LRRC4C: variants seen among roughly 807,000 people sequenced by gnomAD.
LRRC4C encodes the protein leucine-rich repeat-containing protein 4C.
LRRC4C carries 5 observed loss-of-function variants against 33.6 expected under a neutral mutation model. The ratio of observed to expected loss-of-function variants is 0.15; its 90% CI spans 0.08 to 0.31. The LOEUF (loss-of-function observed/expected upper bound fraction) is 0.31, where lower values mean the gene tolerates loss of function less well. Among genes scored for constraint, LRRC4C ranks in the 10% least tolerant of loss-of-function variants. The probability of loss-of-function intolerance (pLI) is 1.00; values close to 1 mark genes in which losing one functional copy is unlikely to be tolerated. For synonymous variants in LRRC4C, 329 were observed against 302.0 expected, an observed-to-expected ratio of 1.09 and a Z score of -0.93; for missense variants, 560 against 796.7, an observed-to-expected ratio of 0.70 and a Z score of 3.58.
At chr11:40,664,882 G>A (rs779032017) in intron 2 of LRRC4C, among the ~76,000 whole-genome samples, 23 of 151,442 alleles carry the variant, frequency 1.5e-4, no homozygotes, top group African/African-American at 2.2e-4. Flanking sequence ...CCACTAACTC[G>A]TCATTTACAT....
chr11:41,318,635 G>C (rs544742092), intron 1 of LRRC4C, among the ~76,000 whole-genome samples: 1 of 152,248 alleles, frequency 6.6e-6, no homozygotes, highest in East Asian at 1.9e-4. Context: ...AGTCACTGGT[G>C]ACCTTCCCTT....
At chr11:41,269,400 A>G (rs1008566994) in intron 1 of LRRC4C, among the ~76,000 whole-genome samples, 1 of 152,056 alleles carries the variant, frequency 6.6e-6, no homozygotes, top group Non-Finnish European at 1.5e-5. Flanking sequence ...TTCAAGCCAC[A>G]GAGAGAGGCA....
At chr11:40,211,142 GTACTT>G (rs1478769267) in intron 5 of LRRC4C, among the ~76,000 whole-genome samples, 3 of 152,134 alleles carry the variant, frequency 2.0e-5, no homozygotes, top group African/African-American at 7.2e-5. Flanking sequence ...GTATCTTGCA[GTACTT>G]TACTTATCAG....
intron 1 of LRRC4C, among the ~76,000 whole-genome samples, chr11:41,219,906 A>C (rs1306742281): frequency 6.6e-6 from 1 of 152,234 alleles, no homozygotes; most frequent in African/African-American, 2.4e-5. Flanking sequence ...CTGAAGACAC[A>C]TGAAGGATAA....
intron 3 of LRRC4C, among the ~76,000 whole-genome samples, chr11:40,594,035 G>T (rs1959168028): frequency 6.6e-6 from 1 of 152,108 alleles, no homozygotes; most frequent in Non-Finnish European, 1.5e-5. Flanking sequence ...ATACTATCTA[G>T]GTCACTGTCA....
At chr11:40,612,769 T>C (rs1961363390) in intron 3 of LRRC4C, among the ~76,000 whole-genome samples, 1 of 151,906 alleles carries the variant, frequency 6.6e-6, no homozygotes, top group African/African-American at 2.4e-5. Flanking sequence ...TCTTAAAATA[T>C]GCAAGCTGAA....
chr11:40,154,200 GA>G (rs1379268427), intron 5 of LRRC4C, among the ~76,000 whole-genome samples: 3 of 148,622 alleles, frequency 2.0e-5, no homozygotes, highest in African/African-American at 5.0e-5. Context: ...ACATATGAAG[GA>G]AAGATACAGT....
At chr11:40,249,299 A>G (rs189903396) in intron 4 of LRRC4C, among the ~76,000 whole-genome samples, 3 of 152,266 alleles carry the variant, frequency 2.0e-5, no homozygotes, top group East Asian at 3.9e-4. Context: ...AGATCGCACT[A>G]CTGCACTCCA....
At chr11:40,577,312 T>C (rs974090733) in intron 3 of LRRC4C, among the ~76,000 whole-genome samples, 7 of 152,210 alleles carry the variant, frequency 4.6e-5, no homozygotes, top group African/African-American at 1.7e-4. Flanking sequence ...CCTCTGCACT[T>C]TTCATAAATG....
chr11:40,589,509 A>G (rs1958932401), intron 3 of LRRC4C, among the ~76,000 whole-genome samples: 1 of 148,586 alleles, frequency 6.7e-6, no homozygotes, highest in Non-Finnish European at 1.5e-5. Context: ...TGTGAATTTG[A>G]TCCTGTCATT....
At chr11:40,948,533 A>G (rs1180996379) in intron 1 of LRRC4C, among the ~76,000 whole-genome samples, 1 of 110,970 alleles carries the variant, frequency 9.0e-6, no homozygotes, top group Non-Finnish European at 1.8e-5. Flanking sequence ...CCACCCCACA[A>G]CAGTCCCCAG....
At chr11:40,189,568 C>T (rs1431649717) in intron 5 of LRRC4C, among the ~76,000 whole-genome samples, 1 of 152,158 alleles carries the variant, frequency 6.6e-6, no homozygotes, top group Non-Finnish European at 1.5e-5. Flanking sequence ...TAGCAACGGG[C>T]TTGGCACTTC....
chr11:40,453,157 T>C (rs1176397077), intron 3 of LRRC4C, among the ~76,000 whole-genome samples: 1 of 148,682 alleles, frequency 6.7e-6, no homozygotes, highest in Non-Finnish European at 1.5e-5. Flanking sequence ...ATTGTGCACA[T>C]GTACCCTAAA....
intron 3 of LRRC4C, among the ~76,000 whole-genome samples, chr11:40,419,171 C>A (rs1319906333): frequency 6.6e-6 from 1 of 151,896 alleles, no homozygotes; most frequent in South Asian, 2.1e-4. Context: ...TGACAGAACT[C>A]AGAAAACTGT....
At chr11:40,757,983 A>G (rs1026985075) in intron 2 of LRRC4C, among the ~76,000 whole-genome samples, 32 of 152,042 alleles carry the variant, frequency 2.1e-4, no homozygotes, top group African/African-American at 7.2e-4. Flanking sequence ...TGAGAGTAGG[A>G]TGCATTATGT....
intron 1 of LRRC4C, among the ~76,000 whole-genome samples, chr11:40,936,216 A>G (rs1413779367): frequency 6.7e-6 from 1 of 149,786 alleles, no homozygotes; most frequent in Non-Finnish European, 1.5e-5. Flanking sequence ...ATTTTTCACC[A>G]TAGTAAGTTT....
At chr11:40,649,447 CCGA>C (rs1485367778) in intron 2 of LRRC4C, among the ~76,000 whole-genome samples, 4 of 152,120 alleles carry the variant, frequency 2.6e-5, no homozygotes, top group Non-Finnish European at 5.9e-5. Context: ...TCTATTCTGC[CCGA>C]CCCCGCAGGC....
At chr11:41,289,085 C>T (rs1201835312) in intron 1 of LRRC4C, among the ~76,000 whole-genome samples, 1 of 152,046 alleles carries the variant, frequency 6.6e-6, no homozygotes, top group South Asian at 2.1e-4. Flanking sequence ...CCCATCGCAG[C>T]CAAAGTTCTC....
chr11:40,855,255 G>A (rs1953724066), intron 2 of LRRC4C, among the ~76,000 whole-genome samples: 1 of 152,118 alleles, frequency 6.6e-6, no homozygotes, highest in Admixed American at 6.5e-5. Context: ...CTCCATTCCA[G>A]TGAATTTAGT....
Sources: gnomAD v4.1 joint callset for allele counts (sites outside exome capture counted in the v4.1 genomes callset) on GRCh38, gnomAD v4.1.1 for gene constraint, MANE v1.5 for transcripts, NCBI Gene and HGNC (gene_info 2026-07-23, HGNC 2026-07-21) for gene names.